The following LONP2 variants were observed in gnomAD, a reference collection of about 807,000 sequenced individuals.
LONP2 encodes the protein lon protease homolog 2, peroxisomal.
A neutral mutation model predicts 85.6 loss-of-function variants in LONP2; 60 were observed. The observed-to-expected ratio is 0.70, with a 90% CI of 0.57 to 0.87. The LOEUF is 0.87. LONP2 is among the 40% of genes least tolerant of loss of function. The probability of loss-of-function intolerance (pLI) is 0.00; values close to 1 mark genes in which losing one functional copy is unlikely to be tolerated. For synonymous variants in LONP2, 395 were observed against 389.7 expected, an observed-to-expected ratio of 1.01 and a Z score of -0.16; for missense variants, 860 against 1,063.5, an observed-to-expected ratio of 0.81 and a Z score of 2.66.
intron 6 of LONP2, among the ~76,000 whole-genome samples, chr16:48,267,239 A>C (rs1972009064): frequency 6.6e-6 from 1 of 152,232 alleles, no homozygotes. Context: ...CTCCTAAACC[A>C]TTACTACACA....
chr16:48,319,379 C>A (rs1184642345), intron 11 of LONP2, among the ~76,000 whole-genome samples: 1 of 151,294 alleles, frequency 6.6e-6, no homozygotes, highest in African/African-American at 2.4e-5. Flanking sequence ...AAGACTCTCT[C>A]AAAAAAAATA....
intron 11 of LONP2, among the ~76,000 whole-genome samples, chr16:48,333,682 AAG>A (rs1226126441): frequency 1.9e-4 from 28 of 146,120 alleles, no homozygotes; most frequent in Admixed American, 2.1e-4. Context: ...GAGAGAGAGA[AAG>A]AGAGAGAGAG....
intron 9 of LONP2, among the ~76,000 whole-genome samples, chr16:48,296,901 A>G (rs950582805): frequency 1.3e-5 from 2 of 152,080 alleles, no homozygotes; most frequent in African/African-American, 4.8e-5. Flanking sequence ...AACACTAGAT[A>G]AGTTATAGCA....
At chr16:48,255,339 T>A (rs1971736555) in intron 2 of LONP2, among the ~76,000 whole-genome samples, 1 of 152,202 alleles carries the variant, frequency 6.6e-6, no homozygotes, top group Admixed American at 6.5e-5. Flanking sequence ...GTAATGCTTC[T>A]GCCCAGAAGG....
intron 8 of LONP2, among the ~76,000 whole-genome samples, chr16:48,288,074 A>G (rs538945611): frequency 4.4e-4 from 66 of 151,200 alleles, no homozygotes; most frequent in Non-Finnish European, 8.2e-4. Flanking sequence ...TCTCTTCTAT[A>G]TTTGAGAAGG....
chr16:48,334,567 G>A (rs1959580809), intron 12 of LONP2: 1 of 688,934 alleles, frequency 1.5e-6, no homozygotes, highest in East Asian at 2.6e-5. Flanking sequence ...AGCTCTTGTG[G>A]CACATCATCT....
Position 48,274,917 on chromosome 16 carries a change from G to A in LONP2, c.1242-2421G>A, listed in dbSNP as rs1339430745. On this transcript the variant is annotated intron_variant, in intron 7 of 14. Coordinates refer to ENST00000285737, the MANE Select transcript of LONP2 (RefSeq NM_031490.5). ...TTTAACAGTTTGCATTATAGCCTGC[G>A]GGAGCCGAGCCCTTTAATTGAATAG... 2.0e-5 allele frequency among the ~76,000 whole-genome samples: 3 copies of A among 152,034 alleles called. 1 individual carries two copies. Among genetic ancestry groups the A allele is most frequent in the Non-Finnish European group, 4.4e-5 (3 of 68,022 alleles).
chr16:48,359,558 A>C (rs772281218), downstream of LONP2, among the ~76,000 whole-genome samples: 43 of 152,232 alleles, frequency 2.8e-4, 2 homozygotes, highest in East Asian at 1.7e-3. Context: ...TCTACTAAAA[A>C]TATAAAAATT....
chr16:48,358,937 A>G (rs1960473128), downstream of LONP2, among the ~76,000 whole-genome samples: 1 of 152,224 alleles, frequency 6.6e-6, no homozygotes, highest in African/African-American at 2.4e-5. Context: ...CTTTATAATC[A>G]AAACACTTAA....
At chr16:48,330,031 A>G (rs1357578209) in intron 11 of LONP2, among the ~76,000 whole-genome samples, 1 of 152,258 alleles carries the variant, frequency 6.6e-6, no homozygotes, top group Non-Finnish European at 1.5e-5. Context: ...GTCTATTTCC[A>G]TATTGCTTTC....
chr16:48,314,385 A>G (rs756922927), intron 11 of LONP2, among the ~76,000 whole-genome samples: 3 of 152,128 alleles, frequency 2.0e-5, no homozygotes, highest in African/African-American at 4.8e-5. Flanking sequence ...GCCCGTGCCT[A>G]TGTCCTGAAT....
chr16:48,321,151 C>T (rs1478510036), intron 11 of LONP2, among the ~76,000 whole-genome samples: 3 of 152,150 alleles, frequency 2.0e-5, no homozygotes, highest in African/African-American at 7.2e-5. Context: ...TCCTGAAGTG[C>T]TGGGATTACA....
In LONP2 at chr16:48,362,611, T is replaced by C; in HGVS notation, c.*748T>C. On this transcript the variant is annotated 3_prime_UTR_variant, in exon 5 of 5. Coordinates refer to the LONP2 transcript ENST00000565867. This position sits in a 1 kb window ranked among gnomAD's most constrained non-coding sequence, Gnocchi z 4.2. ...ATAAAATTACACTGAATGTGCACTT[T>C]ATTAGGATCTGTACACTGGATAAGC... The C allele has an allele frequency of 1.6e-6, 1 of 620,752 alleles. No homozygotes were observed. The highest frequency in any genetic ancestry group is 2.0e-5 in the South Asian group (1 of 48,808). The allele number at this position is 620,752 out of a possible 1,614,324, so 38.5% of individuals were successfully genotyped here.
chr16:48,331,566 CTT>C (rs1022632125), intron 11 of LONP2, among the ~76,000 whole-genome samples: 21 of 139,814 alleles, frequency 1.5e-4, no homozygotes, highest in Admixed American at 1.4e-4. Context: ...AAAGGATTTT[CTT>C]TTTTTTTTTT....
chr16:48,320,159 CAAAA>C (rs80118943), intron 11 of LONP2, among the ~76,000 whole-genome samples: 3 of 56,692 alleles, frequency 5.3e-5, no homozygotes, highest in Non-Finnish European at 1.1e-4. Context: ...GACTCTGTCT[CAAAA>C]AAAAAAAAAA....
In LONP2 at chr16:48,251,248, C is replaced by A. The variant is rs535492658; in HGVS notation, c.234-883C>A. 6.6e-5 allele frequency among the ~76,000 whole-genome samples: 10 copies of A among 152,268 alleles called. No homozygotes were observed. The East Asian group carries it at 1.9e-3, about 29-fold the overall frequency. On this transcript the variant is annotated intron_variant, in intron 1 of 14. Coordinates refer to ENST00000285737, the MANE Select transcript of LONP2 (RefSeq NM_031490.5). ...TTGAGAGTTCTAGTCCTTCTATTTT[C>A]TTTTCTGGAATTACCACTTTTCCTA...
intron 1 of LONP2, among the ~76,000 whole-genome samples, chr16:48,248,378 G>A (rs866670186): frequency 3.3e-5 from 5 of 150,016 alleles, no homozygotes; most frequent in African/African-American, 1.2e-4. Context: ...CACTTGCCTC[G>A]GCCTCCCAAA....
chr16:48,311,903 G>A (rs1973039168), intron 11 of LONP2, among the ~76,000 whole-genome samples: 1 of 150,550 alleles, frequency 6.6e-6, no homozygotes, highest in Non-Finnish European at 1.5e-5. Context: ...TATTGGGATT[G>A]CAGGCATGAG....
At chr16:48,337,172 A>G (rs1274597723) in intron 12 of LONP2, among the ~76,000 whole-genome samples, 1 of 152,258 alleles carries the variant, frequency 6.6e-6, no homozygotes, top group Non-Finnish European at 1.5e-5. Flanking sequence ...GACTCAGATC[A>G]GCTTATTCCA....
Sources: allele counts gnomAD v4.1 joint callset (sites outside exome capture counted in the v4.1 genomes callset), GRCh38; gene constraint gnomAD v4.1.1; non-coding constraint Gnocchi (gnomAD v3.1); transcripts MANE v1.5; gene names NCBI Gene and HGNC (gene_info 2026-07-23, HGNC 2026-07-21).